POLRMT: variants seen among roughly 807,000 people sequenced by gnomAD.
The protein encoded by POLRMT is DNA-directed RNA polymerase, mitochondrial.
Under a neutral mutation model 132.2 loss-of-function variants are expected in POLRMT, and 114 were observed. The observed-to-expected ratio is 0.86, with a 90% CI of 0.74 to 1.01. The LOEUF (loss-of-function observed/expected upper bound fraction) is 1.01, where lower values mean the gene tolerates loss of function less well. POLRMT is among the 50% of genes least tolerant of loss of function. POLRMT has a pLI of 0.00. For synonymous variants in POLRMT, 1,020 were observed against 773.4 expected, an observed-to-expected ratio of 1.32 and a Z score of -5.29; for missense variants, 2,003 against 1,729.1, an observed-to-expected ratio of 1.16 and a Z score of -2.81.
At chr19:624,671 A>G in intron 5 of POLRMT, 48 bp downstream of exon 5, 1 of 1,573,462 alleles carries the variant, frequency 6.4e-7, no homozygotes, top group South Asian at 1.2e-5. Context: ...GGAACCCCCA[A>G]AGGGCAGCTA....
chr19:630,900 G>C (rs1302515440), intron 2 of POLRMT, among the ~76,000 whole-genome samples: 2 of 152,214 alleles, frequency 1.3e-5, no homozygotes, highest in African/African-American at 4.8e-5. Flanking sequence ...GCTCACGTCG[G>C]TCATCCCAGC....
chr19:625,876 T>C (rs1341314743), intron 3 of POLRMT, among the ~76,000 whole-genome samples: 1 of 151,832 alleles, frequency 6.6e-6, no homozygotes, highest in Non-Finnish European at 1.5e-5. Context: ...TAATTTTTTG[T>C]ATTCTTAGCA....
At position 624,774 on chromosome 19, in the gene POLRMT, G is replaced by A. The variant is rs368177502; in HGVS notation, c.1085C>T (p.Pro362Leu). The part of the protein sequence containing the change: ...HKVKPTFSLP[P>L]QLPPPVNTSK... The stretch of plus-strand genomic sequence containing the variant: ...GGTGTTGACCGGGGGCGGCAGCTGC[G>A]GCGGGAGGCTGAAGGTGGGCTTCAC... The change falls in exon 5 of 21, where the codon CCG becomes CTG. Residue 362 changes from proline (P) to leucine (L), a missense_variant. Physicochemically the swap from Pro to Leu is moderately conservative, Grantham distance 98 (BLOSUM62 -3). Transcript: ENST00000588649. 1.1e-5 allele frequency: 18 copies of A among 1,613,546 alleles called. No homozygotes were observed. Among genetic ancestry groups the A allele is most frequent in the South Asian group, 4.4e-5 (4 of 91,086 alleles).
At chr19:628,808 G>C (rs1461454449) in intron 3 of POLRMT, among the ~76,000 whole-genome samples, 1 of 152,070 alleles carries the variant, frequency 6.6e-6, no homozygotes, top group East Asian at 1.9e-4. Flanking sequence ...TTTGAGACCA[G>C]CTTGGCCAAC....
intron 3 of POLRMT, among the ~76,000 whole-genome samples, chr19:627,432 G>C (rs542993774): frequency 6.6e-6 from 1 of 151,750 alleles, no homozygotes; most frequent in Admixed American, 6.6e-5. Context: ...GATTACAGGC[G>C]TGAGCCACTG....
chr19:625,712 T>C (rs868603606), intron 3 of POLRMT, among the ~76,000 whole-genome samples: 1 of 152,224 alleles, frequency 6.6e-6, no homozygotes, highest in African/African-American at 2.4e-5. Context: ...TTCACTTTTT[T>C]TCCCCCCAAG....
In POLRMT at chr19:618,774, GGGGCCGGTGAGTCCCACCC is replaced by G; in HGVS notation, c.3268-33_3268-15del. Reference sequence around the variant, plus strand: ...ACCTCCTATTTGCTAAAAAGGGGAAGGGGCCGGTGAGTCCCACCCGAGGCCCAGCACGGTGGTGGTACAT... The same window carrying G: ...ACCTCCTATTTGCTAAAAAGGGGAAGGAGGCCCAGCACGGTGGTGGTACAT... On this transcript the variant is annotated splice_polypyrimidine_tract_variant and intron_variant, in intron 15 of 20. Transcript: ENST00000588649. 6.3e-7 allele frequency: 1 copy of G among 1,588,214 alleles called. No individual in the cohort carries two copies. The highest frequency in any genetic ancestry group is 8.6e-7 in the Non-Finnish European group (1 of 1,168,372).
Position 622,277 on chromosome 19 carries a change from G to C in POLRMT, c.1723C>G (p.Leu575Val). ...QPWPLPVQME[L>V]GKLLAEMLVQ... ...AGCATCTCCGCCAGCAGCTTGCCCA[G>C]CTCCATCTGCACTGGCAGGGGCCAG... is the stretch of plus-strand genomic sequence containing the variant. The change falls in exon 9 of 21, where the codon CTG (leucine) becomes GTG (valine). Residue 575 changes from leucine (L) to valine (V), a missense_variant. Leu to Val is a conservative substitution (Grantham distance 32). Transcript: ENST00000588649. 6.4e-7 allele frequency: 1 copy of C among 1,563,486 alleles called. No homozygotes were observed. The highest frequency in any genetic ancestry group is 8.7e-7 in the Non-Finnish European group (1 of 1,155,120).
chr19:629,736 G>A lies in POLRMT; in HGVS notation c.626C>T (p.Ala209Val), dbSNP rs751038748. 14 of 1,580,446 alleles carry A rather than the reference G, an allele frequency of 8.9e-6. No individual in the cohort carries two copies. The highest frequency in any genetic ancestry group is 3.7e-5 in the Admixed American group (2 of 54,718). The change falls in exon 3 of 21, where the codon GCC becomes GTC. Residue 209 changes from alanine (A) to valine (V), a missense_variant. Transcript: ENST00000588649. The part of the protein sequence containing the change: ...PGKLSLDVEQ[A>V]PSGQHSQAQL... ...GGCCTGCGAGTGCTGCCCCGACGGGGCCTGCTCCACATCGAGGCTCAGCTT... is the reference window on the plus strand; with the variant it reads ...GGCCTGCGAGTGCTGCCCCGACGGGACCTGCTCCACATCGAGGCTCAGCTT...
At chr19:630,788 G>A (rs887365538) in intron 2 of POLRMT, among the ~76,000 whole-genome samples, 12 of 152,194 alleles carry the variant, frequency 7.9e-5, no homozygotes, top group Non-Finnish European at 1.3e-4. Context: ...GCTCCTGCTC[G>A]TGCCGCCTCA....
intron 13 of POLRMT, 27 bp from the exon 14 acceptor site, chr19:619,323 G>T (rs772709109): frequency 3.7e-5 from 60 of 1,602,556 alleles, no homozygotes; most frequent in Non-Finnish European, 4.9e-5. Flanking sequence ...GCAGGTGCAG[G>T]TCCTCAGGGG....
In POLRMT at chr19:617,664, G is replaced by C; in HGVS notation, c.3496-9C>G. The stretch of plus-strand genomic sequence containing the variant: ...AACTGCTCCCGGCACACCTGGGCAG[G>C]AGTCAGAGGATCCCCAGGGGTGATC... On this transcript the variant is annotated splice_polypyrimidine_tract_variant and intron_variant, in intron 18 of 20. Coordinates refer to ENST00000588649, the MANE Select transcript of POLRMT (RefSeq NM_005035.4). 2 of 1,612,508 alleles carry C rather than the reference G, an allele frequency of 1.2e-6. No individual in the cohort carries two copies. Among genetic ancestry groups the C allele is most frequent in the Non-Finnish European group, 1.7e-6 (2 of 1,179,924 alleles).
At chr19:620,539 C>T (rs1984443720) in intron 10 of POLRMT, 52 bp from the exon 11 acceptor site, 1 of 1,477,348 alleles carries the variant, frequency 6.8e-7, no homozygotes, top group South Asian at 1.4e-5. Flanking sequence ...ATCCCTGAGC[C>T]CGCTGGGAGG....
intron 9 of POLRMT, 150 bp from the exon 10 acceptor site, chr19:621,996 G>A (rs1600571382): frequency 1.7e-6 from 2 of 1,183,810 alleles, no homozygotes; most frequent in Non-Finnish European, 2.3e-6. Flanking sequence ...GAAACGGCCG[G>A]ACACCTGCAT....
rs376444116 is a variant in POLRMT, at chr19:622,810, G to C, written c.1455+11C>G. The C allele has an allele frequency of 1.3e-6, 2 of 1,581,188 alleles. No homozygotes were observed. Among genetic ancestry groups the C allele is most frequent in the Non-Finnish European group, 8.6e-7 (1 of 1,163,714 alleles). ...CCGCCCGGGGACCCGGCCGCGCGGA[G>C]GAAGACGCACCTGCAGGAGCATCCG... is the stretch of plus-strand genomic sequence containing the variant. On this transcript the variant is annotated intron_variant, in intron 7 of 20. Transcript: ENST00000588649.
chr19:627,924 C>CAAAAAAAAAAA (rs35674455), intron 3 of POLRMT, among the ~76,000 whole-genome samples: 1 of 101,890 alleles, frequency 9.8e-6, no homozygotes, highest in Non-Finnish European at 1.9e-5. Flanking sequence ...GAGTCTATCT[C>CAAAAAAAAAAA]AAAAAAAAAA....
In POLRMT at chr19:622,913, G is replaced by A. The variant is rs149951255; in HGVS notation, c.1363C>T (p.Arg455Cys). The A allele has an allele frequency of 1.1e-5, 17 of 1,612,680 alleles. No individual in the cohort carries two copies. The highest frequency in any genetic ancestry group is 1.7e-5 in the Admixed American group (1 of 59,974). Residue 455 changes from arginine to cysteine, a missense_variant, in exon 7 of 21, where the codon CGC becomes TGC. Transcript: ENST00000588649. The stretch of plus-strand genomic sequence containing the variant: ...CCCTCGTACACCTCGCGCTCTAGGC[G>A]GTTCTTGGTCTCCCGCAGCGCCCGG... Reference protein sequence around the residue: ...LCRALRETKNRLEREVYEGRF... With the variant: ...LCRALRETKNCLEREVYEGRF...
In POLRMT at chr19:622,565, G is replaced by C. The variant is rs781187912; in HGVS notation, c.1626+17C>G. ...ACCACTGGCCCCAGCCAGGAGGAGA[G>C]GGGGTGCGAGCCTCACCTCGGCGTC... On this transcript the variant is annotated intron_variant, in intron 8 of 20. Transcript: ENST00000588649. 1.1e-5 allele frequency: 18 copies of C among 1,586,400 alleles called. No homozygotes were observed. The East Asian group carries it at 3.6e-4, about 32-fold the overall frequency.
chr19:623,444 C>T lies in POLRMT; in HGVS notation c.1290+10G>A, dbSNP rs1984788339. 6.2e-7 allele frequency: 1 copy of T among 1,610,652 alleles called. No homozygotes were observed. Among genetic ancestry groups the T allele is most frequent in the East Asian group, 2.2e-5 (1 of 44,854 alleles). ...CTGCGGCGGACACGGGACCCCGGCT[C>T]AGCCCCTACCGCGTGCTTGACCTCC... On this transcript the variant is annotated intron_variant, in intron 6 of 20. Coordinates refer to ENST00000588649, the MANE Select transcript of POLRMT (RefSeq NM_005035.4).
Sources: gnomAD v4.1 joint callset for allele counts (sites outside exome capture counted in the v4.1 genomes callset) on GRCh38, gnomAD v4.1.1 for gene constraint, MANE v1.5 for transcripts, NCBI Gene and HGNC (gene_info 2026-07-23, HGNC 2026-07-21) for gene names.